Variants in RIPOR1 observed in about 807,000 individuals in gnomAD.
RIPOR1 encodes the protein RHO family interacting cell polarization regulator 1.
In RIPOR1, 58 loss-of-function variants were observed where a neutral mutation model predicts 116.5. The observed-to-expected ratio is 0.50, with a 90% CI of 0.40 to 0.62. The LOEUF is 0.62. Ranked by LOEUF, RIPOR1 falls within the 20% of genes least tolerant of loss-of-function variation. RIPOR1 has a pLI of 0.00. For missense variants in RIPOR1, 1,372 were observed against 1,586.2 expected, an observed-to-expected ratio of 0.86 and a Z score of 2.29; for synonymous variants, 605 against 650.0, an observed-to-expected ratio of 0.93 and a Z score of 1.05.
At position 67,542,209 on chromosome 16, in the gene RIPOR1, T is replaced by C. The variant is rs768544827; in HGVS notation, c.1423T>C (p.Trp475Arg). The C allele has an allele frequency of 1.1e-5, 18 of 1,613,568 alleles. No homozygotes were observed. The South Asian group carries it at 2.0e-4, about 18-fold the overall frequency. The change falls in exon 13 of 22, where the codon TGG becomes CGG. Residue 475 changes from tryptophan to arginine, a missense_variant. Physicochemically the swap from Trp to Arg is moderately radical, Grantham distance 101. Transcript: ENST00000042381. The surrounding 1 kb of genome is among the most constrained non-coding windows in gnomAD (Gnocchi z 4.6). ...GGCCGTTGGCCCAGAAAGCCTAGCCTGGGGACCTAGCCCACCTACACACCC... is the reference window on the plus strand; with the variant it reads ...GGCCGTTGGCCCAGAAAGCCTAGCCCGGGGACCTAGCCCACCTACACACCC... ...VEAVGPESLA[W>R]GPSPPTHPAP... is the part of the protein sequence containing the mutation.
chr16:67,541,516 G>A lies in RIPOR1; in HGVS notation c.888G>A (p.Gln296=). The A allele has an allele frequency of 1.2e-6, 2 of 1,614,090 alleles. No homozygotes were observed. The highest frequency in any genetic ancestry group is 1.7e-6 in the Non-Finnish European group (2 of 1,180,006). ...ETKDLFAALP[Q]VVAVDINDLG... The stretch of plus-strand genomic sequence containing the variant: ...AGGACCTGTTTGCCGCCCTGCCCCA[G>A]GTTGTGGCTGTGGATATCAATGACC... The change falls in exon 11 of 22, where the codon CAG becomes CAA. Residue 296 remains glutamine, a synonymous_variant. Coordinates refer to ENST00000042381, the MANE Select transcript of RIPOR1 (RefSeq NM_024519.4). This position sits in a 1 kb window ranked among gnomAD's most constrained non-coding sequence, Gnocchi z 4.6.
intron 1 of RIPOR1, chr16:67,538,030 G>T (rs540752057): frequency 1.9e-5 from 4 of 210,676 alleles, no homozygotes; most frequent in South Asian, 1.7e-4. Context: ...GGGTGCCCTG[G>T]GGGGGGAAAT....
Position 67,540,748 on chromosome 16 carries a change from AC to A in RIPOR1, c.801+48del. 1 of 1,533,618 alleles carries A rather than the reference AC, an allele frequency of 6.5e-7. No individual in the cohort carries two copies. Among genetic ancestry groups the A allele is most frequent in the Non-Finnish European group, 8.8e-7 (1 of 1,138,136 alleles). ...ACGGCAGGCCACCATGGCCCTGTGA[AC>A]CCCTTGTGACCCCCATTACCCTGAG... On this transcript the variant is annotated intron_variant, in intron 10 of 21. Coordinates refer to ENST00000042381, the MANE Select transcript of RIPOR1 (RefSeq NM_024519.4). The surrounding 1 kb of genome is among the most constrained non-coding windows in gnomAD (Gnocchi z 4.7).
intron 1 of RIPOR1, among the ~76,000 whole-genome samples, chr16:67,536,037 C>T (rs1196156296): frequency 6.6e-6 from 1 of 152,162 alleles, no homozygotes; most frequent in African/African-American, 2.4e-5. Context: ...TATGGGAGAA[C>T]TGAGCCTCAA....
intron 1 of RIPOR1, among the ~76,000 whole-genome samples, chr16:67,520,993 T>C (rs1288553309): frequency 6.6e-6 from 1 of 151,960 alleles, no homozygotes; most frequent in Non-Finnish European, 1.5e-5. Context: ...AGGAGAGGAC[T>C]GAGAAGTGGA....
In RIPOR1 at chr16:67,542,121, T is replaced by G. The variant is rs148039352; in HGVS notation, c.1335T>G (p.Ser445Arg). ...PVLANGHAPY[S>R]RTLSHISEAS... Reference sequence around the variant, plus strand: ...TGGCAAATGGGCATGCACCCTACAGTCGGACTCTGAGCCACATCAGTGAGG... The same window carrying G: ...TGGCAAATGGGCATGCACCCTACAGGCGGACTCTGAGCCACATCAGTGAGG... The change falls in exon 13 of 22, where the codon AGT (serine) becomes AGG (arginine). Residue 445 changes from serine (S) to arginine (R), a missense_variant. Physicochemically the swap from Ser to Arg is moderately radical, Grantham distance 110 (BLOSUM62 -1). Around this residue, in one of 3 missense-constraint regions of RIPOR1, gnomAD observed 1,005 missense variants for 1,144.7 expected, o/e 0.88. Transcript: ENST00000042381. The surrounding 1 kb of genome is among the most constrained non-coding windows in gnomAD (Gnocchi z 4.6). The G allele has an allele frequency of 4.2e-5, 67 of 1,613,280 alleles. No individual in the cohort carries two copies. The highest frequency in any genetic ancestry group is 3.3e-4 in the Middle Eastern group (2 of 6,084).
rs937199207 is a variant in RIPOR1, at chr16:67,530,014, G to A, written c.-24+1100G>A. On this transcript the variant is annotated intron_variant, in intron 1 of 21. Transcript: ENST00000042381. The surrounding 1 kb of genome is among the most constrained non-coding windows in gnomAD (Gnocchi z 4.5). ...ACAAAATACTCCAGCGGGACAAGGAGGACTGGCATAGCTCCTTCTTCCACC... is the reference window on the plus strand; with the variant it reads ...ACAAAATACTCCAGCGGGACAAGGAAGACTGGCATAGCTCCTTCTTCCACC... 7.5e-6 allele frequency: 5 copies of A among 663,964 alleles called. No individual in the cohort carries two copies. The highest frequency in any genetic ancestry group is 1.8e-5 in the African/African-American group (1 of 56,586). 41.1% of individuals were successfully genotyped at this position (663,964 alleles called of 1,614,324 possible). A position where few individuals can be genotyped will look rare whatever the true frequency, so the allele number is the denominator to read the frequency against.
In RIPOR1 at chr16:67,540,376, G is replaced by A. The variant is rs1294731493; in HGVS notation, c.631+13G>A. On this transcript the variant is annotated intron_variant, in intron 8 of 21. Coordinates refer to ENST00000042381, the MANE Select transcript of RIPOR1 (RefSeq NM_024519.4). The surrounding 1 kb of genome is among the most constrained non-coding windows in gnomAD (Gnocchi z 4.7). ...CTCCGAATGAAAGGTACTGAGTTGT[G>A]GGGGCAGGTGGGGGGCTGGAGGGAG... The A allele has an allele frequency of 6.2e-7, 1 of 1,613,988 alleles. No individual in the cohort carries two copies. The highest frequency in any genetic ancestry group is 1.3e-5 in the African/African-American group (1 of 74,898).
upstream of RIPOR1, among the ~76,000 whole-genome samples, chr16:67,523,827 G>A (rs986980693): frequency 4.0e-5 from 6 of 151,824 alleles, no homozygotes; most frequent in African/African-American, 1.5e-4. Context: ...ACAGGCATGC[G>A]CCACCATGGC....
rs1304281738 is a variant in RIPOR1 at position 67,528,831 on chromosome 16, C to T, written c.-107C>T. ...AGGGAGGGGCCGGCGCCTGCGGCGGCGACAGCGGCAGCTGCGGCGCGACCA... is the reference window on the plus strand; with the variant it reads ...AGGGAGGGGCCGGCGCCTGCGGCGGTGACAGCGGCAGCTGCGGCGCGACCA... On this transcript the variant is annotated 5_prime_UTR_variant, in exon 1 of 22. Coordinates refer to ENST00000042381, the MANE Select transcript of RIPOR1 (RefSeq NM_024519.4). 3 of 156,838 alleles carry T rather than the reference C, an allele frequency of 1.9e-5. No homozygotes were observed. The highest frequency in any genetic ancestry group is 4.2e-5 in the Non-Finnish European group (3 of 71,846). The allele number at this position is 156,838 out of a possible 1,614,324, so 9.7% of individuals were successfully genotyped here. A position where few individuals can be genotyped will look rare whatever the true frequency, so the allele number is the denominator to read the frequency against.
At chr16:67,519,490 C>T (rs1486311429) in intron 1 of RIPOR1, among the ~76,000 whole-genome samples, 1 of 152,084 alleles carries the variant, frequency 6.6e-6, no homozygotes, top group African/African-American at 2.4e-5. Context: ...GGACAATGAA[C>T]AAGGACACCG....
chr16:67,532,798 CATATAG>C (rs1423067215), intron 1 of RIPOR1, among the ~76,000 whole-genome samples: 1 of 152,184 alleles, frequency 6.6e-6, no homozygotes, highest in Non-Finnish European at 1.5e-5. Flanking sequence ...CAATGCCTGG[CATATAG>C]AATGCTCTCA....
rs1413114941 is a variant in RIPOR1 at position 67,538,462 on chromosome 16, G to A, written c.16G>A (p.Val6Met). 6.2e-7 allele frequency: 1 copy of A among 1,608,414 alleles called. No homozygotes were observed. The highest frequency in any genetic ancestry group is 2.2e-5 in the East Asian group (1 of 44,654). The change falls in exon 2 of 22, where the codon GTG becomes ATG. Residue 6 changes from valine to methionine, a missense_variant. Transcript: ENST00000042381. ...GACTCACTCTATGATGTCCCTGTCG[G>A]TGCGGCCGCAGCGCCGTCTGCTCAG... MMSLS[V>M]RPQRRLLSAR...
rs2050616089 is a variant in RIPOR1, at chr16:67,530,072, G to A, written c.-24+1158G>A. ...CCGGCTTGGGTCCTGTGACTGCGGC[G>A]GGAGAGAGGAGCAAGGTGAGCCGCC... On this transcript the variant is annotated intron_variant, in intron 1 of 21. Coordinates refer to ENST00000042381, the MANE Select transcript of RIPOR1 (RefSeq NM_024519.4). This position sits in a 1 kb window ranked among gnomAD's most constrained non-coding sequence, Gnocchi z 4.5. 1.7e-6 allele frequency: 1 copy of A among 605,406 alleles called. No individual in the cohort carries two copies. The highest frequency in any genetic ancestry group is 1.9e-5 in the South Asian group (1 of 53,158). The allele number at this position is 605,406 out of a possible 1,614,324, so 37.5% of individuals were successfully genotyped here. A position where few individuals can be genotyped will look rare whatever the true frequency, so the allele number is the denominator to read the frequency against.
At chr16:67,527,192 G>T (rs1304839552), upstream of RIPOR1, among the ~76,000 whole-genome samples, 1 of 152,182 alleles carries the variant, frequency 6.6e-6, no homozygotes, top group Non-Finnish European at 1.5e-5. Context: ...GAGAGGCCAA[G>T]GTGGGTGGAT....
rs79437914 is a variant in RIPOR1 at position 67,544,240 on chromosome 16, C to T, written c.2601-59C>T. On this transcript the variant is annotated intron_variant, in intron 14 of 21. Coordinates refer to ENST00000042381, the MANE Select transcript of RIPOR1 (RefSeq NM_024519.4). This position sits in a 1 kb window ranked among gnomAD's most constrained non-coding sequence, Gnocchi z 5.1. The stretch of plus-strand genomic sequence containing the variant: ...ATGGGGGAAGCTTAATAAAAATAAA[C>T]GCTGGTGACCAGGTGGTGATGTGTG... 2.6e-5 allele frequency: 40 copies of T among 1,541,524 alleles called. No individual in the cohort carries two copies. Among genetic ancestry groups the T allele is most frequent in the East Asian group, 1.4e-4 (6 of 43,704 alleles).
chr16:67,545,882 T>C lies in RIPOR1; in HGVS notation c.3387+22T>C. ...GAGGGTGAGTTGGACAGGGCTCCCTTGAGGGCGAGGGCTGGGGTCCTGGAC... is the reference window on the plus strand; with the variant it reads ...GAGGGTGAGTTGGACAGGGCTCCCTCGAGGGCGAGGGCTGGGGTCCTGGAC... On this transcript the variant is annotated intron_variant, in intron 19 of 21. Coordinates refer to ENST00000042381, the MANE Select transcript of RIPOR1 (RefSeq NM_024519.4). The surrounding 1 kb of genome is among the most constrained non-coding windows in gnomAD (Gnocchi z 4.8). The C allele has an allele frequency of 1.9e-6, 3 of 1,610,752 alleles. No individual in the cohort carries two copies.
At chr16:67,535,937 T>G (rs555538230) in intron 1 of RIPOR1, among the ~76,000 whole-genome samples, 6 of 152,172 alleles carry the variant, frequency 3.9e-5, no homozygotes, top group Admixed American at 3.9e-4. Context: ...CCTGGACCTC[T>G]TGCATCTGAA....
chr16:67,539,899 G>C lies in RIPOR1; in HGVS notation c.414G>C (p.Lys138Asn). The stretch of plus-strand genomic sequence containing the variant: ...GACGACTGGAGTTCCATGCCAGCAA[G>C]GTACGAGTGCAGCATGTGTGCAGAG... Reference protein sequence around the residue: ...FLRRLEFHASKIDELYEAYCV... With the variant: ...FLRRLEFHASNIDELYEAYCV... The change falls in exon 6 of 22, where the codon AAG (lysine) becomes AAC (asparagine). Residue 138 changes from lysine (K) to asparagine (N), a missense_variant and splice_region_variant. Around this residue, in one of 3 missense-constraint regions of RIPOR1, gnomAD observed 202 missense variants for 295.9 expected, o/e 0.68. Coordinates refer to ENST00000042381, the MANE Select transcript of RIPOR1 (RefSeq NM_024519.4). 1 of 1,614,204 alleles carries C rather than the reference G, an allele frequency of 6.2e-7. No individual in the cohort carries two copies. The highest frequency in any genetic ancestry group is 8.5e-7 in the Non-Finnish European group (1 of 1,180,024).
Sources: gnomAD v4.1 joint callset for allele counts (sites outside exome capture counted in the v4.1 genomes callset) on GRCh38, gnomAD v4.1.1 for gene constraint, gnomAD v4.1.1 regional missense constraint, Gnocchi (gnomAD v3.1) non-coding constraint, MANE v1.5 for transcripts, NCBI Gene and HGNC (gene_info 2026-07-23, HGNC 2026-07-21) for gene names.